The following KLF15 variants were observed in gnomAD, a reference collection of about 807,000 sequenced individuals.
KLF15 encodes the protein KLF transcription factor 15.
In KLF15, 4 loss-of-function variants were observed where a neutral mutation model predicts 24.6. That is an observed-to-expected ratio of 0.16 (90% confidence interval 0.08 to 0.37). The LOEUF (loss-of-function observed/expected upper bound fraction) is 0.37. KLF15 is among the 10% of genes least tolerant of loss of function. The pLI is 1.00. For missense variants in KLF15, 496 were observed against 560.6 expected (o/e 0.88, Z 1.16); for synonymous variants, 246 against 236.3 (o/e 1.04, Z -0.37).
At chr3:126,292,657 A>G in the KLF15 span, among the ~76,000 whole-genome samples, 1 of 152,088 alleles carries the variant, frequency 6.6e-6, no homozygotes, top group African/African-American at 2.4e-5. Context: ...GGATGAGATG[A>G]GAAGGGAGAG....
At chr3:126,334,380 C>T in the KLF15 span, among the ~76,000 whole-genome samples, 1 of 132,600 alleles carries the variant, frequency 7.5e-6, no homozygotes, top group African/African-American at 2.8e-5. Context: ...CCAACGAGAA[C>T]AAAGACACAA....
chr3:126,297,320 C>G, the KLF15 span, among the ~76,000 whole-genome samples: 2 of 152,088 alleles, frequency 1.3e-5, no homozygotes, highest in Admixed American at 1.3e-4. Context: ...ACTTTTACTC[C>G]AAATGATAAG....
the KLF15 span, among the ~76,000 whole-genome samples, chr3:126,329,058 T>A: frequency 6.6e-6 from 1 of 152,330 alleles, no homozygotes; most frequent in Non-Finnish European, 1.5e-5. Flanking sequence ...GTGTCAAGCA[T>A]GTCTATCTTT....
chr3:126,346,559 G>T (rs1002776368), intron 2 of KLF15, among the ~76,000 whole-genome samples: 2 of 152,164 alleles, frequency 1.3e-5, no homozygotes, highest in African/African-American at 2.4e-5. Flanking sequence ...GTGACGTGGG[G>T]CCACACAGAT....
intron 2 of KLF15, among the ~76,000 whole-genome samples, chr3:126,345,125 T>A (rs1156673191): frequency 6.6e-6 from 1 of 152,194 alleles, no homozygotes; most frequent in African/African-American, 2.4e-5. Flanking sequence ...CCTTGCTCTC[T>A]CCTACCCATT....
chr3:126,322,461 T>C, the KLF15 span, among the ~76,000 whole-genome samples: 6 of 152,264 alleles, frequency 3.9e-5, no homozygotes, highest in East Asian at 1.2e-3. Flanking sequence ...TCTTCTTCGG[T>C]CCTCGTTCCT....
the KLF15 span, among the ~76,000 whole-genome samples, chr3:126,295,454 TC>T: frequency 1.3e-5 from 2 of 152,172 alleles, no homozygotes; most frequent in Non-Finnish European, 2.9e-5. Flanking sequence ...AAGATTAGTT[TC>T]CCCGTTGGTT....
the KLF15 span, among the ~76,000 whole-genome samples, chr3:126,309,957 G>A: frequency 5.9e-5 from 9 of 152,334 alleles, no homozygotes; most frequent in Non-Finnish European, 1.2e-4. Flanking sequence ...CGTTTGTCCC[G>A]CAAAAATGGA....
the KLF15 span, among the ~76,000 whole-genome samples, chr3:126,329,612 G>T: frequency 6.6e-6 from 1 of 152,066 alleles, no homozygotes; most frequent in South Asian, 2.1e-4. Context: ...ATATTGGGTT[G>T]CATCTTATAC....
the KLF15 span, among the ~76,000 whole-genome samples, chr3:126,311,333 C>G: frequency 6.6e-6 from 1 of 152,234 alleles, no homozygotes; most frequent in Non-Finnish European, 1.5e-5. Context: ...CAAGCTCCTA[C>G]TGTCCTTCAG....
the KLF15 span, among the ~76,000 whole-genome samples, chr3:126,311,118 CT>C: frequency 6.6e-6 from 1 of 152,210 alleles, no homozygotes; most frequent in Admixed American, 6.5e-5. Context: ...CACTGGGCCC[CT>C]GCAGCTCACC....
chr3:126,299,932 T>C, the KLF15 span, among the ~76,000 whole-genome samples: 1 of 151,724 alleles, frequency 6.6e-6, no homozygotes, highest in Non-Finnish European at 1.5e-5. Context: ...ACGATAGAAG[T>C]CTGTTGTTTG....
At chr3:126,293,009 G>T in the KLF15 span, among the ~76,000 whole-genome samples, 1 of 152,020 alleles carries the variant, frequency 6.6e-6, no homozygotes, top group Non-Finnish European at 1.5e-5. Flanking sequence ...AAGAAACAGA[G>T]AATCAAAGAT....
At chr3:126,290,006 G>C in the KLF15 span, among the ~76,000 whole-genome samples, 1 of 152,278 alleles carries the variant, frequency 6.6e-6, no homozygotes, top group East Asian at 1.9e-4. Flanking sequence ...TTATGTGTTC[G>C]TCCCATGCTC....
chr3:126,310,532 G>A, the KLF15 span, among the ~76,000 whole-genome samples: 1 of 152,178 alleles, frequency 6.6e-6, no homozygotes, highest in Non-Finnish European at 1.5e-5. Flanking sequence ...CAAAATCAGA[G>A]AAGGGGGGGT....
At chr3:126,306,450 G>A in the KLF15 span, among the ~76,000 whole-genome samples, 5 of 152,328 alleles carry the variant, frequency 3.3e-5, no homozygotes, top group African/African-American at 1.2e-4. Context: ...ATGTTGGCTG[G>A]TTGAACCTCA....
downstream of KLF15, among the ~76,000 whole-genome samples, chr3:126,341,876 CCTCT>C (rs2082481984): frequency 2.0e-5 from 3 of 152,266 alleles, no homozygotes; most frequent in South Asian, 6.2e-4. Flanking sequence ...CCAGGGCAGC[CCTCT>C]CTGTGTGTGT....
the KLF15 span, among the ~76,000 whole-genome samples, chr3:126,296,184 G>C: frequency 6.6e-6 from 1 of 152,144 alleles, no homozygotes; most frequent in African/African-American, 2.4e-5. Flanking sequence ...CCTCAGGGGG[G>C]CTTGAAAAAT....
rs1179457396 is a variant in KLF15 at position 126,352,217 on chromosome 3, G to T, written c.706C>A (p.Pro236Thr). The change falls in exon 2 of 3, where the codon CCT becomes ACT. Residue 236 changes from proline to threonine, a missense_variant. Transcript: ENST00000296233. ...TCTGGGGCTTGCCCAGGGGAGGCAGGCCCTGTGCCCGATTCCTGCTTCACA... is the reference window on the plus strand; with the variant it reads ...TCTGGGGCTTGCCCAGGGGAGGCAGTCCCTGTGCCCGATTCCTGCTTCACA... ...VPVKQESGTG[P>T]ASPGQAPENV... 4.6e-6 allele frequency: 7 copies of T among 1,538,390 alleles called. No homozygotes were observed. The highest frequency in any genetic ancestry group is 6.1e-6 in the Non-Finnish European group (7 of 1,145,538).
Sources: gnomAD v4.1 joint callset for allele counts (sites outside exome capture counted in the v4.1 genomes callset) on GRCh38, gnomAD v4.1.1 for gene constraint, MANE v1.5 for transcripts, NCBI Gene and HGNC (gene_info 2026-07-23, HGNC 2026-07-21) for gene names.